The following HMX1 variants were observed in gnomAD, a reference collection of about 807,000 sequenced individuals.
The protein encoded by HMX1 is H6 family homeobox 1.
Under a neutral mutation model 8.9 loss-of-function variants are expected in HMX1, and 8 were observed. That is an observed-to-expected ratio of 0.90 (90% CI 0.53 to 1.63). The LOEUF is 1.63. Ranked by LOEUF, HMX1 falls within the 40% of genes most tolerant of loss-of-function variation. The probability of loss-of-function intolerance (pLI) is 0.00; values close to 1 mark genes in which losing one functional copy is unlikely to be tolerated. For missense variants in HMX1, 621 were observed against 558.5 expected (o/e 1.11, Z -1.13); for synonymous variants, 311 against 283.4 (o/e 1.10, Z -0.98).
rs1391893331 is a variant in HMX1, at chr4:8,871,788, G to A, written c.-174C>T. On this transcript the variant is annotated 5_prime_UTR_variant, in exon 1 of 2. Coordinates refer to ENST00000400677, the MANE Select transcript of HMX1 (RefSeq NM_018942.3). This position sits in a 1 kb window ranked among gnomAD's most constrained non-coding sequence, Gnocchi z 4.8. ...GCGCCGGGCTGGGCTGGGCCGGGCC[G>A]GGAGCGAGTGCGCGCCGACAGCTGA... 4.9e-6 allele frequency: 4 copies of A among 820,612 alleles called. No homozygotes were observed. Among genetic ancestry groups the A allele is most frequent in the Admixed American group, 6.2e-5 (1 of 16,042 alleles). The allele number at this position is 820,612 out of a possible 1,614,324, so 50.8% of individuals were successfully genotyped here. A position where few individuals can be genotyped will look rare whatever the true frequency, so the allele number is the denominator to read the frequency against.
rs937453219 is a variant in HMX1 at position 8,848,625 on chromosome 4, G to A, written c.395-2301C>T. ...TGCTCCAGGCATGCTTGGAGGTGCC[G>A]GCTGCTGTAGACCAACCTAAACCAG... On this transcript the variant is annotated intron_variant, in intron 1 of 1. Coordinates refer to the HMX1 transcript ENST00000506970. The surrounding 1 kb of genome is among the most constrained non-coding windows in gnomAD (Gnocchi z 4.1). Among the ~76,000 whole-genome samples, 8 of 152,148 alleles carry A rather than the reference G, an allele frequency of 5.3e-5. No individual in the cohort carries two copies. The highest frequency in any genetic ancestry group is 1.3e-4 in the Admixed American group (2 of 15,278).
At chr4:8,856,318 A>C (rs1721606749) in intron 1 of HMX1, among the ~76,000 whole-genome samples, 1 of 152,196 alleles carries the variant, frequency 6.6e-6, no homozygotes, top group Admixed American at 6.5e-5. Context: ...AGGCAGGTAG[A>C]AGCAGAAAGA....
In HMX1 at chr4:8,868,605, C is replaced by T. The variant is rs2007900773; in HGVS notation, c.395-260G>A. Among the ~76,000 whole-genome samples the T allele has an allele frequency of 6.6e-6, 1 of 152,098 alleles. No homozygotes were observed. ...GCAACACACAAACACAAACGCACAC[C>T]CATGCCAGAGGACAACAAAGGGATG... On this transcript the variant is annotated intron_variant, in intron 1 of 1. Coordinates refer to ENST00000400677, the MANE Select transcript of HMX1 (RefSeq NM_018942.3). The surrounding 1 kb of genome is among the most constrained non-coding windows in gnomAD (Gnocchi z 4.6).
intron 1 of HMX1, among the ~76,000 whole-genome samples, chr4:8,857,218 G>A (rs934179292): frequency 1.3e-5 from 2 of 152,220 alleles, no homozygotes; most frequent in Non-Finnish European, 1.5e-5. Flanking sequence ...CAGCCGCCGA[G>A]GAAGCGTCGG....
At chr4:8,860,970 GGCGGGGGAGGGGGCGGGGCCGGAACC>G (rs1197191642) in intron 1 of HMX1, 2 of 151,124 alleles carry the variant, frequency 1.3e-5, no homozygotes, top group East Asian at 2.0e-4. Flanking sequence ...CGGGGGCGAG[GGCGGGGGAGGGGGCGGGGCCGGAACC>G]GCGGGGAGGG....
In HMX1 at chr4:8,870,610, C is replaced by CT. The variant is rs1360394305; in HGVS notation, c.394+610dup. Among the ~76,000 whole-genome samples the CT allele has an allele frequency of 6.6e-6, 1 of 152,136 alleles. No individual in the cohort carries two copies. ...CAGCGGGCACAGAGGAAACAGGACT[C>CT]TGGGGGGGCACAGCTGCCATGTTAG... On this transcript the variant is annotated intron_variant, in intron 1 of 1. Transcript: ENST00000400677. The surrounding 1 kb of genome is among the most constrained non-coding windows in gnomAD (Gnocchi z 4.4).
At position 8,867,652 on chromosome 4, in the gene HMX1, A is replaced by C; in HGVS notation, c.*41T>G. On this transcript the variant is annotated 3_prime_UTR_variant, in exon 2 of 2. Coordinates refer to ENST00000400677, the MANE Select transcript of HMX1 (RefSeq NM_018942.3). ...CTGCCGCTGAATCGCGCGTCCACAC[A>C]GGTCCACAGGGTCGTGGGGAGAGGG... 1 of 1,220,554 alleles carries C rather than the reference A, an allele frequency of 8.2e-7. No individual in the cohort carries two copies. Among genetic ancestry groups the C allele is most frequent in the South Asian group, 4.0e-5 (1 of 25,036 alleles). 75.6% of individuals were successfully genotyped at this position (1,220,554 alleles called of 1,614,324 possible).
In HMX1 at chr4:8,868,354, G is replaced by A. The variant is rs539799959; in HGVS notation, c.395-9C>T. Reference sequence around the variant, plus strand: ...TGAGTCCCGGTCGCTGGCTGCAGGGGAGAGAGGGCACCACCGTTGGTTCTA... The same window carrying A: ...TGAGTCCCGGTCGCTGGCTGCAGGGAAGAGAGGGCACCACCGTTGGTTCTA... On this transcript the variant is annotated splice_polypyrimidine_tract_variant and intron_variant, in intron 1 of 1. Coordinates refer to ENST00000400677, the MANE Select transcript of HMX1 (RefSeq NM_018942.3). This position sits in a 1 kb window ranked among gnomAD's most constrained non-coding sequence, Gnocchi z 4.6. The A allele has an allele frequency of 2.2e-6, 3 of 1,364,750 alleles. No homozygotes were observed. Among genetic ancestry groups the A allele is most frequent in the Admixed American group, 3.8e-5 (1 of 26,020 alleles). 84.5% of individuals were successfully genotyped at this position (1,364,750 alleles called of 1,614,324 possible).
chr4:8,854,758 C>T (rs1313862460), intron 1 of HMX1, among the ~76,000 whole-genome samples: 1 of 152,216 alleles, frequency 6.6e-6, no homozygotes, highest in Non-Finnish European at 1.5e-5. Flanking sequence ...TTCCTAAGAA[C>T]AATACGAAGA....
In HMX1 at chr4:8,867,850, C is replaced by T. The variant is rs1270638793; in HGVS notation, c.890G>A (p.Gly297Glu). The T allele has an allele frequency of 8.1e-7, 1 of 1,240,678 alleles. No homozygotes were observed. Among genetic ancestry groups the T allele is most frequent in the Non-Finnish European group, 1.0e-6 (1 of 994,060 alleles). 76.9% of individuals were successfully genotyped at this position (1,240,678 alleles called of 1,614,324 possible). The stretch of plus-strand genomic sequence containing the variant: ...CGGGAAGGGCAGGGTGGCCGGGGGC[C>T]CAGCGGCGGCTGCGGCCGGGGGGCT... ...HESPPAAAAA[G>E]PPATLPFPLA... The change falls in exon 2 of 2, where the codon GGG becomes GAG. Residue 297 changes from glycine to glutamate, a missense_variant. By Grantham distance (98) the Gly-to-Glu change is moderately conservative. Coordinates refer to ENST00000400677, the MANE Select transcript of HMX1 (RefSeq NM_018942.3).
chr4:8,862,069 C>G (rs1051309794), downstream of HMX1, among the ~76,000 whole-genome samples: 3 of 152,244 alleles, frequency 2.0e-5, no homozygotes, highest in African/African-American at 7.2e-5. Context: ...GGCGACGCCC[C>G]GGCGCCAGGT....
At position 8,871,587 on chromosome 4, in the gene HMX1, G is replaced by A. The variant is rs1236050379; in HGVS notation, c.28C>T (p.Arg10Cys). 58 of 1,341,074 alleles carry A rather than the reference G, an allele frequency of 4.3e-5. No homozygotes were observed. In the East Asian group the frequency reaches 1.2e-3, roughly 27 times the overall value. 83.1% of individuals were successfully genotyped at this position (1,341,074 alleles called of 1,614,324 possible). Residue 10 changes from arginine (R) to cysteine (C), a missense_variant, in exon 1 of 2, where the codon CGC becomes TGC. Physicochemically the swap from Arg to Cys is radical, Grantham distance 180. Transcript: ENST00000400677. The surrounding 1 kb of genome is among the most constrained non-coding windows in gnomAD (Gnocchi z 4.8). The part of the protein sequence containing the change: MPDELTEPG[R>C]ATPARASSFL... ...GAGGAGGCGCGGGCCGGCGTGGCGC[G>A]CCCGGGCTCCGTCAGCTCGTCAGGC...
At chr4:8,864,326 C>T (rs553302223), downstream of HMX1, among the ~76,000 whole-genome samples, 4 of 152,244 alleles carry the variant, frequency 2.6e-5, no homozygotes, top group South Asian at 4.1e-4. Flanking sequence ...GTCCAGAGCC[C>T]GCTGCACCCA....
chr4:8,867,753 G>A lies in HMX1; in HGVS notation c.987C>T (p.Ala329=), dbSNP rs1577200318. Residue 329 remains alanine (A), a synonymous_variant, in exon 2 of 2, where the codon GCC becomes GCT. Coordinates refer to ENST00000400677, the MANE Select transcript of HMX1 (RefSeq NM_018942.3). ...GFSGALAYPL[A]AFPAAASVPF... is the part of the protein sequence containing the mutation. ...GCACGGAGGCGGCGGCCGGGAAGGC[G>A]GCCAGCGGGTAGGCGAGGGCCCCGG... is the stretch of plus-strand genomic sequence containing the variant. 1 of 1,288,188 alleles carries A rather than the reference G, an allele frequency of 7.8e-7. No individual in the cohort carries two copies. Among genetic ancestry groups the A allele is most frequent in the Non-Finnish European group, 9.8e-7 (1 of 1,021,380 alleles). 79.8% of individuals were successfully genotyped at this position (1,288,188 alleles called of 1,614,324 possible). A position where few individuals can be genotyped will look rare whatever the true frequency, so the allele number is the denominator to read the frequency against.
Position 8,867,101 on chromosome 4 carries a change from AAAC to A in HMX1, c.*589_*591del, listed in dbSNP as rs893950600. ...CGCAAATAAGTAGATTCATTTAAAA[AAAC>A]AACAACCCGGAGGCTGCGACGTCTG... On this transcript the variant is annotated 3_prime_UTR_variant, in exon 2 of 2. Transcript: ENST00000400677. 2.5e-5 allele frequency: 25 copies of A among 985,374 alleles called. No homozygotes were observed. The East Asian group carries it at 3.4e-4, about 13-fold the overall frequency. The allele number at this position is 985,374 out of a possible 1,614,324, so 61.0% of individuals were successfully genotyped here.
At position 8,859,528 on chromosome 4, in the gene HMX1, T is replaced by C. The variant is rs1401731322; in HGVS notation, c.394+11693A>G. 2.0e-5 allele frequency among the ~76,000 whole-genome samples: 3 copies of C among 152,034 alleles called. No homozygotes were observed. In the East Asian group the frequency reaches 5.8e-4, roughly 29 times the overall value. ...TCAGACCCCCATGTGGAGAGCCCGC[T>C]GGAAGAGGGAGAGGAGGATTGAGGA... On this transcript the variant is annotated intron_variant, in intron 1 of 1. Coordinates refer to the HMX1 transcript ENST00000506970.
intron 1 of HMX1, among the ~76,000 whole-genome samples, chr4:8,852,395 A>C (rs922592105): frequency 4.6e-5 from 7 of 152,156 alleles, no homozygotes; most frequent in Non-Finnish European, 8.8e-5. Flanking sequence ...AGCACCTAGG[A>C]CAGATGAGGA....
At chr4:8,846,852 T>G (rs912398684) in intron 1 of HMX1, among the ~76,000 whole-genome samples, 1 of 152,250 alleles carries the variant, frequency 6.6e-6, no homozygotes, top group Non-Finnish European at 1.5e-5. Flanking sequence ...GCAGTCTTCC[T>G]GGATCCTCTG....
intron 1 of HMX1, among the ~76,000 whole-genome samples, chr4:8,854,115 G>A (rs1003993617): frequency 2.6e-5 from 4 of 152,102 alleles, no homozygotes; most frequent in Non-Finnish European, 4.4e-5. Flanking sequence ...GCCTCGAATG[G>A]GTCCTGGAGG....
Sources: gnomAD v4.1 joint callset for allele counts (sites outside exome capture counted in the v4.1 genomes callset) on GRCh38, gnomAD v4.1.1 for gene constraint, Gnocchi (gnomAD v3.1) non-coding constraint, MANE v1.5 for transcripts, NCBI Gene and HGNC (gene_info 2026-07-23, HGNC 2026-07-21) for gene names.